Variants in MT1H observed in about 807,000 individuals in gnomAD.
The protein encoded by MT1H is metallothionein-1H.
MT1H carries 8 observed loss-of-function variants against 8.7 expected under a neutral mutation model. The observed-to-expected ratio is 0.92, with a 90% CI of 0.54 to 1.66. The LOEUF (loss-of-function observed/expected upper bound fraction) is 1.66, where lower values mean the gene tolerates loss of function less well. Among genes scored for constraint, MT1H ranks in the 40% most tolerant of loss-of-function variants. MT1H has a pLI of 0.00. For synonymous variants in MT1H, 32 were observed against 28.9 expected, an observed-to-expected ratio of 1.11 and a Z score of -0.34; for missense variants, 84 against 75.2, an observed-to-expected ratio of 1.12 and a Z score of -0.43.
chr16:56,670,064 G>A, intron 1 of MT1H, 152 bp downstream of exon 1: 2 of 1,132,908 alleles, frequency 1.8e-6, no homozygotes, highest in Non-Finnish European at 2.6e-6. Flanking sequence ...AAGCTCCTGA[G>A]AGCATGTCCC....
At chr16:56,670,436 C>G in intron 1 of MT1H, 70 bp from the exon 2 acceptor site, 7 of 1,604,680 alleles carry the variant, frequency 4.4e-6, no homozygotes, top group Non-Finnish European at 6.0e-6. Flanking sequence ...GGGAAGTGGA[C>G]ACTCATTGAC....
At position 56,669,838 on chromosome 16, in the gene MT1H, G is replaced by C. The variant is rs370424120; in HGVS notation, c.-47G>C. 1.9e-6 allele frequency: 3 copies of C among 1,614,002 alleles called. No homozygotes were observed. Among genetic ancestry groups the C allele is most frequent in the South Asian group, 2.2e-5 (2 of 91,076 alleles). On this transcript the variant is annotated 5_prime_UTR_variant, in exon 1 of 3. Coordinates refer to ENST00000332374, the MANE Select transcript of MT1H (RefSeq NM_005951.2). ...CACCACGCCCTCCACGTGTTCCACT[G>C]CCTCTTCTCTTCTCGCTTGGGAACT...
At chr16:56,670,782 C>T in intron 2 of MT1H, 116 bp from the exon 3 acceptor site, 11 of 1,538,528 alleles carry the variant, frequency 7.1e-6, no homozygotes, top group Non-Finnish European at 9.0e-6. Flanking sequence ...AAAAGCTGTG[C>T]CATCCTGAAC....
Position 56,670,527 on chromosome 16 carries a change from G to A in MT1H, c.50G>A (p.Gly17Asp), listed in dbSNP as rs371466691. The change falls in exon 2 of 3, where the codon GGC (glycine) becomes GAC (aspartate). Residue 17 changes from glycine (G) to aspartate (D), a missense_variant. Transcript: ENST00000332374. Reference sequence around the variant, plus strand: ...GCAGGTGGCTCCTGCGCCTGCGCCGGCTCCTGCAAGTGCAAAAAGTGCAAA... The same window carrying A: ...GCAGGTGGCTCCTGCGCCTGCGCCGACTCCTGCAAGTGCAAAAAGTGCAAA... ...CEAGGSCACA[G>D]SCKCKKCKCT... The A allele has an allele frequency of 6.0e-5, 97 of 1,614,136 alleles. No individual in the cohort carries two copies. Among genetic ancestry groups the A allele is most frequent in the Non-Finnish European group, 8.0e-5 (94 of 1,180,056 alleles).
At chr16:56,670,864 G>A in intron 2 of MT1H, 34 bp from the exon 3 acceptor site, 2 of 1,613,424 alleles carry the variant, frequency 1.2e-6, no homozygotes, top group Admixed American at 1.7e-5. Flanking sequence ...CCCTGGTCAA[G>A]TCTGCTGTGA....
chr16:56,670,392 AG>A, intron 1 of MT1H, 113 bp from the exon 2 acceptor site: 1 of 1,482,806 alleles, frequency 6.7e-7, no homozygotes. Flanking sequence ...TGAGTGGGAA[AG>A]GAGCTCTGAC....
intron 1 of MT1H, 150 bp downstream of exon 1, chr16:56,670,062 G>C (rs2058008864): frequency 8.8e-7 from 1 of 1,142,306 alleles, no homozygotes; most frequent in Admixed American, 2.1e-5. Flanking sequence ...CCAAGCTCCT[G>C]AGAGCATGTC....
chr16:56,670,546 G>T lies in MT1H; in HGVS notation c.69G>T (p.Lys23Asn). Reference sequence around the variant, plus strand: ...GCGCCGGCTCCTGCAAGTGCAAAAAGTGCAAATGCACCTCCTGCAAGAAGA... The same window carrying T: ...GCGCCGGCTCCTGCAAGTGCAAAAATTGCAAATGCACCTCCTGCAAGAAGA... ...CACAGSCKCK[K>N]CKCTSCKKSC... The change falls in exon 2 of 3, where the codon AAG (lysine) becomes AAT (asparagine). Residue 23 changes from lysine (K) to asparagine (N), a missense_variant. Coordinates refer to ENST00000332374, the MANE Select transcript of MT1H (RefSeq NM_005951.2). 3.7e-6 allele frequency: 6 copies of T among 1,614,274 alleles called. No homozygotes were observed. The highest frequency in any genetic ancestry group is 5.1e-6 in the Non-Finnish European group (6 of 1,180,052).
intron 2 of MT1H, 154 bp downstream of exon 2, chr16:56,670,725 G>A (rs767502071): frequency 5.3e-6 from 8 of 1,514,792 alleles, no homozygotes; most frequent in Non-Finnish European, 7.3e-6. Flanking sequence ...GGGCTGGGCA[G>A]TCTCTCATAG....
chr16:56,670,637 G>A (rs750961551), intron 2 of MT1H, 66 bp downstream of exon 2: 1 of 1,613,124 alleles, frequency 6.2e-7, no homozygotes, highest in Non-Finnish European at 8.5e-7. Flanking sequence ...CCCAAGGCTG[G>A]CCCTGAGTGC....
Position 56,670,979 on chromosome 16 carries a change from G to T in MT1H, c.176G>T (p.Cys59Phe). 6.2e-7 allele frequency: 1 copy of T among 1,614,256 alleles called. No homozygotes were observed. The highest frequency in any genetic ancestry group is 2.2e-5 in the East Asian group (1 of 44,890). The change falls in exon 3 of 3, where the codon TGC becomes TTC. Residue 59 changes from cysteine (C) to phenylalanine (F), a missense_variant. Coordinates refer to ENST00000332374, the MANE Select transcript of MT1H (RefSeq NM_005951.2). ...AAAGGGGCGTCAGAGAAGTGCAGCT[G>T]CTGTGCCTGATGTCGGGACAGCCCT... ...ICKGASEKCS[C>F]CA
chr16:56,670,753 T>C (rs755439436), intron 2 of MT1H, 145 bp from the exon 3 acceptor site: 14 of 1,491,058 alleles, frequency 9.4e-6, no homozygotes, highest in South Asian at 1.2e-5. Context: ...CACCCCAATA[T>C]CCACCAGTCG....
Position 56,670,931 on chromosome 16 carries a change from A to G in MT1H, c.128A>G (p.Lys43Arg), listed in dbSNP as rs777209953. The G allele has an allele frequency of 1.2e-6, 2 of 1,614,080 alleles. No homozygotes were observed. Among genetic ancestry groups the G allele is most frequent in the African/African-American group, 2.7e-5 (2 of 74,918 alleles). Residue 43 changes from lysine (K) to arginine (R), a missense_variant, in exon 3 of 3, where the codon AAG (lysine) becomes AGG (arginine). Transcript: ENST00000332374. ...CCSCCPLGCA[K>R]CAQGCICKGA... ...TCCTGTTGCCCCCTGGGCTGTGCCA[A>G]GTGTGCCCAGGGCTGCATCTGCAAA...
rs1164594818 is a variant in MT1H, at chr16:56,670,578, G to A, written c.94+7G>A. On this transcript the variant is annotated splice_region_variant and intron_variant, in intron 2 of 2. Coordinates refer to ENST00000332374, the MANE Select transcript of MT1H (RefSeq NM_005951.2). Reference sequence around the variant, plus strand: ...TGCACCTCCTGCAAGAAGAGTGAGTGCGGGGCCATCTCCAGGAATCTGGGG... The same window carrying A: ...TGCACCTCCTGCAAGAAGAGTGAGTACGGGGCCATCTCCAGGAATCTGGGG... 1.9e-6 allele frequency: 3 copies of A among 1,614,230 alleles called. No homozygotes were observed. Among genetic ancestry groups the A allele is most frequent in the Non-Finnish European group, 2.5e-6 (3 of 1,180,040 alleles).
At chr16:56,670,782 C>CCATCCTGAA in intron 2 of MT1H, 116 bp from the exon 3 acceptor site, 1 of 1,538,524 alleles carries the variant, frequency 6.5e-7, no homozygotes, top group East Asian at 2.3e-5. Flanking sequence ...AAAAGCTGTG[C>CCATCCTGAA]CATCCTGAAC....
At position 56,670,897 on chromosome 16, in the gene MT1H, G is replaced by T. The variant is rs1356614898; in HGVS notation, c.95-1G>T. 1 of 1,612,438 alleles carries T rather than the reference G, an allele frequency of 6.2e-7. No individual in the cohort carries two copies. The highest frequency in any genetic ancestry group is 8.5e-7 in the Non-Finnish European group (1 of 1,179,808). ...TGACTTCTCTCTCCCTTTTTCCCCA[G>T]GCTGCTGCTCCTGTTGCCCCCTGGG... On this transcript the variant is annotated splice_acceptor_variant, in intron 2 of 2. Transcript: ENST00000332374. LOFTEE classifies it high-confidence loss of function.
At chr16:56,670,725 G>C (rs767502071) in intron 2 of MT1H, 154 bp downstream of exon 2, 1 of 1,514,792 alleles carries the variant, frequency 6.6e-7, no homozygotes, top group Non-Finnish European at 9.1e-7. Flanking sequence ...GGGCTGGGCA[G>C]TCTCTCATAG....
rs144687737 is a variant in MT1H at position 56,671,082 on chromosome 16, C to CT, written c.*100dup. The CT allele has an allele frequency of 0.069, 100,273 of 1,456,750 alleles. 4,935 individuals carry two copies. Among genetic ancestry groups the CT allele is most frequent in the East Asian group, 0.23 (9,987 of 42,716 alleles). The allele number at this position is 1,456,750 out of a possible 1,614,324, so 90.2% of individuals were successfully genotyped here. On this transcript the variant is annotated 3_prime_UTR_variant, in exon 3 of 3. Coordinates refer to ENST00000332374, the MANE Select transcript of MT1H (RefSeq NM_005951.2). ...CAACTCCGACTCATTTGCTACATTC[C>CT]TTTTTTTCTGTGAAATATGTGAATA...
Position 56,670,518 on chromosome 16 carries a change from C to G in MT1H, c.41C>G (p.Ala14Gly), listed in dbSNP as rs200916143. ...NCSCEAGGSC[A>G]CAGSCKCKKC... ...CTATTCCTTGCAGGTGGCTCCTGCG[C>G]CTGCGCCGGCTCCTGCAAGTGCAAA... is the stretch of plus-strand genomic sequence containing the variant. Residue 14 changes from alanine to glycine, a missense_variant, in exon 2 of 3, where the codon GCC becomes GGC. Transcript: ENST00000332374. 6.2e-7 allele frequency: 1 copy of G among 1,614,274 alleles called. No individual in the cohort carries two copies. The highest frequency in any genetic ancestry group is 1.3e-5 in the African/African-American group (1 of 75,072).
Sources: allele counts gnomAD v4.1 joint callset, GRCh38; gene constraint gnomAD v4.1.1; transcripts MANE v1.5; gene names NCBI Gene and HGNC (gene_info 2026-07-23, HGNC 2026-07-21).